YKT6: variants seen among roughly 807,000 people sequenced by gnomAD.
YKT6 encodes the protein synaptobrevin homolog YKT6.
Under a neutral mutation model 29.3 loss-of-function variants are expected in YKT6, and 12 were observed. The ratio of observed to expected loss-of-function variants is 0.41; its 90% CI spans 0.26 to 0.66. The LOEUF is 0.66. YKT6 is among the 30% of genes least tolerant of loss of function. YKT6 has a pLI of 0.32. For missense variants in YKT6, 188 were observed against 243.8 expected, an observed-to-expected ratio of 0.77 and a Z score of 1.52; for synonymous variants, 86 against 94.3, an observed-to-expected ratio of 0.91 and a Z score of 0.51.
rs143932038 is a variant in YKT6, at chr7:44,206,395, C to T, written c.198C>T (p.Cys66=). Residue 66 remains cysteine (C), a synonymous_variant, in exon 3 of 7, where the codon TGC becomes TGT. Transcript: ENST00000223369. ...RASVKEQDYL[C]HVYVRNDSLA... ...CTCTTGTCTCCTTAGACTATCTGTG[C>T]CACGTCTACGTCCGGAATGATAGTC... 3 of 1,614,048 alleles carry T rather than the reference C, an allele frequency of 1.9e-6. No individual in the cohort carries two copies. The highest frequency in any genetic ancestry group is 2.2e-5 in the East Asian group (1 of 44,880).
intron 1 of YKT6, among the ~76,000 whole-genome samples, chr7:44,203,720 T>C (rs2096338157): frequency 6.6e-6 from 1 of 152,204 alleles, no homozygotes; most frequent in Non-Finnish European, 1.5e-5. Context: ...GCACAAATCT[T>C]GATTTTTTTA....
rs187358263 is a variant in YKT6, at chr7:44,208,074, G to T, written c.394-59G>T. ...AGTTTGTCCAGCTTCCTCAGTTTTAGGTTTTGTTTGCAGGTAGCCACTCCA... is the reference window on the plus strand; with the variant it reads ...AGTTTGTCCAGCTTCCTCAGTTTTATGTTTTGTTTGCAGGTAGCCACTCCA... On this transcript the variant is annotated intron_variant, in intron 4 of 6. Transcript: ENST00000223369. The T allele has an allele frequency of 3.3e-5, 52 of 1,568,800 alleles. No homozygotes were observed. The East Asian group carries it at 1.0e-3, about 32-fold the overall frequency.
chr7:44,201,188 T>A lies in YKT6; in HGVS notation c.53T>A (p.Leu18Gln), dbSNP rs1486529076. The A allele has an allele frequency of 6.2e-7, 1 of 1,612,846 alleles. No individual in the cohort carries two copies. The highest frequency in any genetic ancestry group is 1.3e-5 in the African/African-American group (1 of 74,856). The change falls in exon 1 of 7, where the codon CTG (leucine) becomes CAG (glutamine). Residue 18 changes from leucine (L) to glutamine (Q), a missense_variant. Physicochemically the swap from Leu to Gln is moderately radical, Grantham distance 113. Coordinates refer to ENST00000223369, the MANE Select transcript of YKT6 (RefSeq NM_006555.4). Reference protein sequence around the residue: ...VLYKGEAKVVLLKAAYDVSSF... With the variant: ...VLYKGEAKVVQLKAAYDVSSF... ...TACAAAGGCGAGGCCAAGGTGGTGC[T>A]GCTCAAAGCCGCATACGATGTGTCT...
At chr7:44,201,327 A>G (rs1583642966) in intron 1 of YKT6, 88 bp downstream of exon 1, 1 of 316,600 alleles carries the variant, frequency 3.2e-6, no homozygotes, top group Non-Finnish European at 5.3e-6. Flanking sequence ...GGGTCGGCGG[A>G]GGGATGAGGG....
intron 5 of YKT6, 80 bp downstream of exon 5, chr7:44,208,278 C>A: frequency 6.7e-7 from 1 of 1,487,554 alleles, no homozygotes; most frequent in Non-Finnish European, 9.3e-7. Context: ...ACAGATCCAT[C>A]CTCGTTTTAA....
chr7:44,202,128 T>C (rs2096336373), intron 1 of YKT6, among the ~76,000 whole-genome samples: 1 of 152,142 alleles, frequency 6.6e-6, no homozygotes, highest in South Asian at 2.1e-4. Flanking sequence ...CAAAATCTGA[T>C]GGAATCTGCC....
At chr7:44,207,732 T>C (rs2128839743) in intron 4 of YKT6, among the ~76,000 whole-genome samples, 1 of 151,678 alleles carries the variant, frequency 6.6e-6, no homozygotes. Flanking sequence ...TTTTTTTTTG[T>C]TTTTTGTTTT....
At chr7:44,204,095 T>A (rs1005612274) in intron 1 of YKT6, among the ~76,000 whole-genome samples, 5 of 152,230 alleles carry the variant, frequency 3.3e-5, no homozygotes, top group African/African-American at 1.2e-4. Context: ...GCACTCACTA[T>A]GGGTGTATGT....
intron 6 of YKT6, 146 bp downstream of exon 6, chr7:44,211,270 G>T: frequency 1.2e-6 from 1 of 836,426 alleles, no homozygotes; most frequent in Non-Finnish European, 1.8e-6. Flanking sequence ...AGAGCCTAAG[G>T]TGAGCGCCTC....
At chr7:44,205,542 C>T (rs187323350) in intron 2 of YKT6, among the ~76,000 whole-genome samples, 6 of 152,332 alleles carry the variant, frequency 3.9e-5, no homozygotes, top group African/African-American at 1.4e-4. Context: ...CAGGGGCTCA[C>T]CATCATTCCC....
At chr7:44,209,137 T>C (rs1177132793) in intron 5 of YKT6, among the ~76,000 whole-genome samples, 1 of 152,222 alleles carries the variant, frequency 6.6e-6, no homozygotes, top group Non-Finnish European at 1.5e-5. Flanking sequence ...GTTTATACCA[T>C]GCTCAGCAGT....
chr7:44,211,693 C>A, intron 6 of YKT6: 1 of 884,868 alleles, frequency 1.1e-6, no homozygotes, highest in Non-Finnish European at 1.4e-6. Flanking sequence ...TCTGTCCACA[C>A]ACATTTGCTT....
chr7:44,206,608 A>G (rs909179382), intron 3 of YKT6, 123 bp downstream of exon 3: 24 of 907,640 alleles, frequency 2.6e-5, no homozygotes, highest in Non-Finnish European at 3.7e-5. Context: ...AAGTCAACAC[A>G]TTTTTCAGCC....
At chr7:44,210,584 T>TG (rs2096345624) in intron 5 of YKT6, 1 of 291,282 alleles carries the variant, frequency 3.4e-6, no homozygotes, top group Non-Finnish European at 6.8e-6. Context: ...CGGTTGGGGT[T>TG]GGGGGGTGCG....
At chr7:44,205,550 C>T (rs925910394) in intron 2 of YKT6, among the ~76,000 whole-genome samples, 1 of 152,186 alleles carries the variant, frequency 6.6e-6, no homozygotes, top group Non-Finnish European at 1.5e-5. Flanking sequence ...CACCATCATT[C>T]CCTCCTCTTT....
In YKT6 at chr7:44,212,381, G is replaced by A; in HGVS notation, c.*99G>A. 1.3e-6 allele frequency: 2 copies of A among 1,491,728 alleles called. No homozygotes were observed. The highest frequency in any genetic ancestry group is 1.8e-6 in the Non-Finnish European group (2 of 1,084,434). 92.4% of individuals were successfully genotyped at this position (1,491,728 alleles called of 1,614,324 possible). ...AGACAGCCATAGACGAGGAGCCAGA[G>A]TGGGGGCAGACTGGCCATTTTTATT... On this transcript the variant is annotated 3_prime_UTR_variant, in exon 7 of 7. Coordinates refer to ENST00000223369, the MANE Select transcript of YKT6 (RefSeq NM_006555.4).
chr7:44,206,342 C>G (rs1266442445), intron 2 of YKT6, 43 bp from the exon 3 acceptor site: 1 of 1,588,726 alleles, frequency 6.3e-7, no homozygotes, highest in Admixed American at 1.7e-5. Context: ...AAGTCTGAAG[C>G]CCTCATGTCA....
chr7:44,206,203 C>G (rs530042022), intron 2 of YKT6, among the ~76,000 whole-genome samples, 182 bp from the exon 3 acceptor site: 28 of 152,320 alleles, frequency 1.8e-4, no homozygotes, highest in African/African-American at 6.3e-4. Context: ...GGCGTTGGGC[C>G]AAGCTCCTGT....
At chr7:44,203,557 G>A (rs931326857) in intron 1 of YKT6, among the ~76,000 whole-genome samples, 2 of 152,154 alleles carry the variant, frequency 1.3e-5, no homozygotes, top group African/African-American at 4.8e-5. Flanking sequence ...CTCAAATGCT[G>A]TCTCTAGGTT....
Sources: allele counts gnomAD v4.1 joint callset (sites outside exome capture counted in the v4.1 genomes callset), GRCh38; gene constraint gnomAD v4.1.1; transcripts MANE v1.5; gene names NCBI Gene and HGNC (gene_info 2026-07-23, HGNC 2026-07-21).